Variants in TLN2 observed in about 807,000 individuals in gnomAD.
TLN2 encodes talin-2.
In TLN2, 118 loss-of-function variants were observed where a neutral mutation model predicts 294.7. That is an observed-to-expected ratio of 0.40 (90% confidence interval 0.34 to 0.47). TLN2 has a LOEUF of 0.47. Among genes scored for constraint, TLN2 ranks in the 20% least tolerant of loss-of-function variants. The pLI, the probability that TLN2 is intolerant of heterozygous loss-of-function variation, is 0.84. For missense variants in TLN2, 3,083 were observed against 3,282.2 expected (o/e 0.94, Z 1.48); for synonymous variants, 1,431 against 1,304.5 (o/e 1.10, Z -2.09).
intron 1 of TLN2, among the ~76,000 whole-genome samples, chr15:62,409,823 A>G (rs1242256486): frequency 6.6e-6 from 1 of 152,202 alleles, no homozygotes; most frequent in African/African-American, 2.4e-5. Context: ...GACCAGTGTA[A>G]TAGATCTTGG....
chr15:62,532,834 G>A (rs1211656424), intron 1 of TLN2, among the ~76,000 whole-genome samples: 2 of 152,100 alleles, frequency 1.3e-5, no homozygotes, highest in African/African-American at 4.8e-5. Flanking sequence ...GAAACGAGAT[G>A]CCCCACAATT....
intron 1 of TLN2, among the ~76,000 whole-genome samples, chr15:62,551,513 TACACAC>T (rs56986714): frequency 0.011 from 1,656 of 147,052 alleles, 27 homozygotes; most frequent in African/African-American, 0.039. Flanking sequence ...CTACTAAAAA[TACACAC>T]ACACACACAC....
chr15:62,419,651 G>T (rs1392693290), intron 1 of TLN2, among the ~76,000 whole-genome samples: 1 of 131,312 alleles, frequency 7.6e-6, no homozygotes, highest in Non-Finnish European at 1.6e-5. Flanking sequence ...TTTTTTGGGT[G>T]GGGGGAGGGG....
At chr15:62,490,233 C>T (rs141735349) in intron 1 of TLN2, among the ~76,000 whole-genome samples, 1 of 152,152 alleles carries the variant, frequency 6.6e-6, no homozygotes, top group African/African-American at 2.4e-5. Flanking sequence ...ACTTCCCTCC[C>T]CTGGTGTTTA....
chr15:62,694,468 G>T, intron 14 of TLN2, 76 bp downstream of exon 14: 6 of 1,245,978 alleles, frequency 4.8e-6, no homozygotes, highest in Non-Finnish European at 5.9e-6. Context: ...CTTGGAGCCT[G>T]CTGCTCTGAA....
intron 1 of TLN2, among the ~76,000 whole-genome samples, chr15:62,466,034 T>C (rs2037116615): frequency 6.6e-6 from 1 of 152,184 alleles, no homozygotes; most frequent in Admixed American, 6.5e-5. Context: ...CATTGCTCCC[T>C]TTTCCAGAGG....
At chr15:62,733,033 A>G (rs1595822715) in intron 28 of TLN2, among the ~76,000 whole-genome samples, 2 of 152,232 alleles carry the variant, frequency 1.3e-5, no homozygotes, top group African/African-American at 2.4e-5. Context: ...TGGTAAAATG[A>G]TAATGATTGG....
At chr15:62,504,729 T>G (rs1222008174) in intron 1 of TLN2, among the ~76,000 whole-genome samples, 1 of 152,092 alleles carries the variant, frequency 6.6e-6, no homozygotes, top group Admixed American at 6.5e-5. Flanking sequence ...TTAGGCTATT[T>G]ATTTATTGTT....
chr15:62,589,856 T>G (rs1403361851), intron 2 of TLN2, 94 bp downstream of exon 2: 2 of 152,220 alleles, frequency 1.3e-5, no homozygotes, highest in Non-Finnish European at 2.9e-5. Flanking sequence ...CTGTCTGTTA[T>G]GCTGTCTCGT....
At chr15:62,767,344 C>G (rs201370954) in intron 41 of TLN2, among the ~76,000 whole-genome samples, 11 of 62,728 alleles carry the variant, frequency 1.8e-4, no homozygotes, top group Non-Finnish European at 3.8e-4. Flanking sequence ...CTTTTCTTTT[C>G]TTTGTTTTTT....
chr15:62,482,023 C>T (rs1217098352), intron 1 of TLN2, among the ~76,000 whole-genome samples: 1 of 151,956 alleles, frequency 6.6e-6, no homozygotes, highest in Non-Finnish European at 1.5e-5. Context: ...TCTCGAACTC[C>T]TGACCTCAGA....
chr15:62,588,772 CAT>C (rs2045862311), intron 1 of TLN2, among the ~76,000 whole-genome samples: 1 of 140,660 alleles, frequency 7.1e-6, no homozygotes, highest in Admixed American at 7.4e-5. Context: ...AGGACTGAGA[CAT>C]GTAGCTAGTA....
intron 27 of TLN2, 83 bp downstream of exon 27, chr15:62,725,187 A>C: frequency 6.7e-7 from 1 of 1,503,138 alleles, no homozygotes; most frequent in Non-Finnish European, 8.9e-7. Context: ...GTGTTTGCTA[A>C]AGTTGCGGCA....
chr15:62,453,416 C>T (rs1202428656), intron 1 of TLN2, among the ~76,000 whole-genome samples: 2 of 152,122 alleles, frequency 1.3e-5, no homozygotes, highest in Non-Finnish European at 2.9e-5. Context: ...AAAGTGTGCT[C>T]TAATACAAGG....
intron 1 of TLN2, among the ~76,000 whole-genome samples, chr15:62,447,377 G>A (rs1016125518): frequency 6.6e-6 from 1 of 152,102 alleles, no homozygotes; most frequent in Non-Finnish European, 1.5e-5. Context: ...CTTGGAAACA[G>A]CATGTGGCTG....
chr15:62,795,951 C>G (rs2065446240), intron 46 of TLN2, among the ~76,000 whole-genome samples, 176 bp from the exon 47 acceptor site: 1 of 152,194 alleles, frequency 6.6e-6, no homozygotes, highest in African/African-American at 2.4e-5. Flanking sequence ...CCTAAGGTCA[C>G]AGGGCCTGTA....
intron 44 of TLN2, among the ~76,000 whole-genome samples, chr15:62,781,610 G>A (rs1050826331): frequency 1.3e-5 from 2 of 152,126 alleles, no homozygotes; most frequent in African/African-American, 4.8e-5. Flanking sequence ...GGTGTTTTTA[G>A]TAGATTAAAA....
At chr15:62,792,583 G>T in intron 45 of TLN2, 58 bp from the exon 46 acceptor site, 3 of 1,583,830 alleles carry the variant, frequency 1.9e-6, no homozygotes, top group Non-Finnish European at 2.6e-6. Context: ...CGTAGGGAAG[G>T]CCTCGATGGC....
chr15:62,825,456 T>C (rs1462387757), intron 54 of TLN2, among the ~76,000 whole-genome samples: 1 of 151,794 alleles, frequency 6.6e-6, no homozygotes, highest in Non-Finnish European at 1.5e-5. Flanking sequence ...GAACCAACTG[T>C]TCAGGAAGGA....
Sources: allele counts gnomAD v4.1 joint callset (sites outside exome capture counted in the v4.1 genomes callset), GRCh38; gene constraint gnomAD v4.1.1; transcripts MANE v1.5; gene names NCBI Gene and HGNC (gene_info 2026-07-23, HGNC 2026-07-21).